The following APLF variants were observed in gnomAD, a reference collection of about 807,000 sequenced individuals.
APLF encodes aprataxin and PNKP like factor, also known as aprataxin and PNK-like factor.
Under a neutral mutation model 55.6 loss-of-function variants are expected in APLF, and 61 were observed. The observed-to-expected ratio is 1.10, with a 90% CI of 0.89 to 1.36. APLF has a LOEUF of 1.36. Among genes scored for constraint, APLF ranks in the 40% most tolerant of loss-of-function variants. The pLI, the probability that APLF is intolerant of heterozygous loss-of-function variation, is 0.00. For missense variants in APLF, 611 were observed against 602.5 expected (o/e 1.01, Z -0.15); for synonymous variants, 207 against 214.8 (o/e 0.96, Z 0.32).
chr2:68,518,757 TAA>T (rs1179810066), intron 5 of APLF, among the ~76,000 whole-genome samples: 11 of 121,034 alleles, frequency 9.1e-5, no homozygotes, highest in Admixed American at 6.0e-4. Flanking sequence ...TAATATATAA[TAA>T]AATATTAATA....
Position 68,573,679 on chromosome 2 carries a change from A to C in APLF, c.1334-4141A>C, listed in dbSNP as rs1198307171. ...CAAAGCGAGACCTTGTCTCAAAAAA[A>C]AAAAAAAAAAAAGTAATTTCCATTA... On this transcript the variant is annotated intron_variant, in intron 9 of 9. Coordinates refer to ENST00000303795, the MANE Select transcript of APLF (RefSeq NM_173545.3). Among the ~76,000 whole-genome samples, 3 of 151,988 alleles carry C rather than the reference A, an allele frequency of 2.0e-5. No individual in the cohort carries two copies. In the East Asian group the frequency reaches 5.8e-4, roughly 29 times the overall value.
intron 3 of APLF, among the ~76,000 whole-genome samples, chr2:68,510,834 T>C (rs1022359057): frequency 6.6e-6 from 1 of 151,806 alleles, no homozygotes; most frequent in Non-Finnish European, 1.5e-5. Flanking sequence ...TAGAATATTA[T>C]TTGGCCATAA....
At chr2:68,551,042 C>T (rs1207924085) in intron 8 of APLF, among the ~76,000 whole-genome samples, 1 of 151,974 alleles carries the variant, frequency 6.6e-6, no homozygotes, top group African/African-American at 2.4e-5. Flanking sequence ...TGAAGATCTA[C>T]TAAAAAGAAA....
chr2:68,578,303 T>C lies in APLF; in HGVS notation c.*281T>C. ...GGATATTTTTTATGTACTTTGTATATTGGTAATAAAAAGTAAAAGCCATAG... is the reference window on the plus strand; with the variant it reads ...GGATATTTTTTATGTACTTTGTATACTGGTAATAAAAAGTAAAAGCCATAG... On this transcript the variant is annotated 3_prime_UTR_variant, in exon 10 of 10. Coordinates refer to ENST00000303795, the MANE Select transcript of APLF (RefSeq NM_173545.3). 1 of 1,107,482 alleles carries C rather than the reference T, an allele frequency of 9.0e-7. No homozygotes were observed. The highest frequency in any genetic ancestry group is 4.7e-5 in the Admixed American group (1 of 21,280). 68.6% of individuals were successfully genotyped at this position (1,107,482 alleles called of 1,614,324 possible).
chr2:68,530,006 C>T (rs1288447918), intron 6 of APLF, among the ~76,000 whole-genome samples: 1 of 152,248 alleles, frequency 6.6e-6, no homozygotes, highest in African/African-American at 2.4e-5. Flanking sequence ...GGCCACCAGC[C>T]TCGCTCCGCA....
chr2:68,512,983 T>C (rs1669438477), intron 3 of APLF, 97 bp from the exon 4 acceptor site: 2 of 1,187,784 alleles, frequency 1.7e-6, no homozygotes, highest in Admixed American at 2.5e-5. Flanking sequence ...TTGGTTTTGC[T>C]AAGTCTGAGT....
At chr2:68,557,910 GA>G (rs11338277) in intron 8 of APLF, among the ~76,000 whole-genome samples, 8,269 of 132,162 alleles carry the variant, frequency 0.063, 258 homozygotes, top group African/African-American at 0.087. Flanking sequence ...GACTCCATCT[GA>G]AAAAAAAAAA....
rs1671670321 is a variant in APLF, at chr2:68,578,154, CTT to C, written c.*134_*135del. 3.5e-6 allele frequency: 5 copies of C among 1,428,266 alleles called. No individual in the cohort carries two copies. Among genetic ancestry groups the C allele is most frequent in the Non-Finnish European group, 4.6e-6 (5 of 1,094,904 alleles). 88.5% of individuals were successfully genotyped at this position (1,428,266 alleles called of 1,614,324 possible). A position where few individuals can be genotyped will look rare whatever the true frequency, so the allele number is the denominator to read the frequency against. On this transcript the variant is annotated 3_prime_UTR_variant, in exon 10 of 10. Coordinates refer to ENST00000303795, the MANE Select transcript of APLF (RefSeq NM_173545.3). Reference sequence around the variant, plus strand: ...TAGTTAATGACTTTTACTACTGACTCTTTACAAATGAGACATTGAAACGTCAG... The same window carrying C: ...TAGTTAATGACTTTTACTACTGACTCTACAAATGAGACATTGAAACGTCAG...
chr2:68,548,953 A>G (rs1190594744), intron 8 of APLF, among the ~76,000 whole-genome samples: 1 of 151,950 alleles, frequency 6.6e-6, no homozygotes, highest in African/African-American at 2.4e-5. Flanking sequence ...ATCCCATTTT[A>G]TCTATGAGTA....
chr2:68,548,868 TTCA>T (rs200866577), intron 8 of APLF, among the ~76,000 whole-genome samples: 2,050 of 152,096 alleles, frequency 0.013, 38 homozygotes, highest in African/African-American at 0.045. Flanking sequence ...TCAATATTGT[TTCA>T]TCAATCCCCA....
intron 8 of APLF, among the ~76,000 whole-genome samples, chr2:68,561,325 C>G (rs1017297394): frequency 3.3e-5 from 5 of 152,182 alleles, no homozygotes; most frequent in Non-Finnish European, 5.9e-5. Context: ...AACCAATAAA[C>G]AGTGGAGTTT....
intron 2 of APLF, among the ~76,000 whole-genome samples, chr2:68,492,122 G>A (rs1227632878): frequency 2.0e-5 from 3 of 152,104 alleles, no homozygotes; most frequent in Non-Finnish European, 4.4e-5. Flanking sequence ...CTTAGTTGGA[G>A]TTGTGTCTAT....
intron 2 of APLF, among the ~76,000 whole-genome samples, chr2:68,502,255 G>A (rs541925605): frequency 9.2e-5 from 14 of 152,254 alleles, no homozygotes; most frequent in African/African-American, 3.4e-4. Flanking sequence ...TCAAACCATA[G>A]CATTGTAGTT....
intron 6 of APLF, among the ~76,000 whole-genome samples, chr2:68,532,664 TA>T (rs1354866066): frequency 6.6e-6 from 1 of 152,188 alleles, no homozygotes; most frequent in East Asian, 1.9e-4. Context: ...TTGTCAGAAA[TA>T]GTCTATATTT....
chr2:68,528,521 G>A, intron 6 of APLF: 2 of 1,533,926 alleles, frequency 1.3e-6, no homozygotes, highest in East Asian at 2.4e-5. Context: ...GGCAGCTCTG[G>A]GTGGAGAAGA....
At chr2:68,557,239 A>C (rs754990745) in intron 8 of APLF, among the ~76,000 whole-genome samples, 2 of 151,938 alleles carry the variant, frequency 1.3e-5, no homozygotes, top group Non-Finnish European at 2.9e-5. Flanking sequence ...TAAAATACCT[A>C]ATAAAATGTA....
chr2:68,563,615 C>T (rs1276094121), intron 8 of APLF, among the ~76,000 whole-genome samples: 1 of 152,174 alleles, frequency 6.6e-6, no homozygotes, highest in East Asian at 1.9e-4. Context: ...GTTGTTTAAT[C>T]GGTATTTGGT....
At chr2:68,517,226 ATATATTAATATATGTCATTACTATATAAT>A (rs1669624620) in intron 5 of APLF, among the ~76,000 whole-genome samples, 1 of 111,028 alleles carries the variant, frequency 9.0e-6, no homozygotes, top group Non-Finnish European at 1.7e-5. Context: ...ATATATATAA[ATATATTAATATATGTCATTACTATATAAT>A]ATATTAATAT....
chr2:68,488,185 G>T (rs1257824555), intron 1 of APLF, among the ~76,000 whole-genome samples: 1 of 151,976 alleles, frequency 6.6e-6, no homozygotes, highest in Non-Finnish European at 1.5e-5. Flanking sequence ...TTAGAAAATT[G>T]GTTCGTAGTA....
Sources: gnomAD v4.1 joint callset for allele counts (sites outside exome capture counted in the v4.1 genomes callset) on GRCh38, gnomAD v4.1.1 for gene constraint, MANE v1.5 for transcripts, NCBI Gene and HGNC (gene_info 2026-07-23, HGNC 2026-07-21) for gene names.